ARHGAP6: variants seen among roughly 807,000 people sequenced by gnomAD.
ARHGAP6 encodes Rho GTPase activating protein 6, also known as rho GTPase-activating protein 6.
Under a neutral mutation model 55.7 loss-of-function variants are expected in ARHGAP6, and 16 were observed. The ratio of observed to expected loss-of-function variants is 0.29; its 90% CI spans 0.19 to 0.44. The LOEUF is 0.44. ARHGAP6 is among the 20% of genes least tolerant of loss of function. The pLI, the probability that ARHGAP6 is intolerant of heterozygous loss-of-function variation, is 1.00. For missense variants in ARHGAP6, 698 were observed against 808.9 expected (o/e 0.86, Z 1.66); for synonymous variants, 382 against 360.9 (o/e 1.06, Z -0.66).
chrX:11,142,032 A>C (rs2045627716), intron 12 of ARHGAP6, among the ~76,000 whole-genome samples: 1 of 112,113 alleles, frequency 8.9e-6, no homozygotes, highest in Non-Finnish European at 1.9e-5. Context: ...GTAACTATGA[A>C]AACCTTTGCA....
chrX:11,590,621 C>G (rs1569410583), intron 1 of ARHGAP6, among the ~76,000 whole-genome samples: 1 of 105,493 alleles, frequency 9.5e-6, no homozygotes, highest in Non-Finnish European at 1.9e-5. Flanking sequence ...CCCATTTCTA[C>G]TAAAAACACA....
intron 1 of ARHGAP6, among the ~76,000 whole-genome samples, chrX:11,558,068 C>T (rs2147092124): frequency 8.9e-6 from 1 of 112,169 alleles, no homozygotes. Context: ...TACAAACCCA[C>T]ACGCTCCATG....
At chrX:11,177,326 T>C (rs1456060566) in intron 8 of ARHGAP6, among the ~76,000 whole-genome samples, 1 of 86,624 alleles carries the variant, frequency 1.2e-5, no homozygotes, top group African/African-American at 4.5e-5. Flanking sequence ...AATATATGAG[T>C]GTAACCAAAG....
At chrX:11,640,963 G>T (rs1331449118) in intron 1 of ARHGAP6, among the ~76,000 whole-genome samples, 1 of 111,414 alleles carries the variant, frequency 9.0e-6, no homozygotes, top group Non-Finnish European at 1.9e-5. Flanking sequence ...CTGTATGAAG[G>T]TTAAGGCAGT....
chrX:11,529,191 T>C (rs111600194), intron 1 of ARHGAP6, among the ~76,000 whole-genome samples: 9,394 of 111,294 alleles, frequency 0.084, 449 homozygotes, highest in East Asian at 0.18. Context: ...ACAGGCACTG[T>C]CACCTGGTTT....
intron 8 of ARHGAP6, among the ~76,000 whole-genome samples, chrX:11,174,433 C>T (rs1413483494): frequency 1.8e-5 from 2 of 111,279 alleles, no homozygotes; most frequent in Admixed American, 1.9e-4. Flanking sequence ...TAGAAAATTT[C>T]TGAGCAATAG....
chrX:11,398,691 TTATA>T (rs2049511030), intron 1 of ARHGAP6, among the ~76,000 whole-genome samples: 1 of 111,868 alleles, frequency 8.9e-6, no homozygotes, highest in African/African-American at 3.2e-5. Context: ...AATTATACCT[TTATA>T]TATAGTATAA....
intron 1 of ARHGAP6, among the ~76,000 whole-genome samples, chrX:11,639,778 G>A: frequency 9.1e-6 from 1 of 110,497 alleles, no homozygotes; most frequent in East Asian, 2.9e-4. Context: ...GAGACATGGA[G>A]AAAAAGAGAG....
chrX:11,373,108 C>T (rs2049164467), intron 1 of ARHGAP6, among the ~76,000 whole-genome samples: 1 of 108,157 alleles, frequency 9.2e-6, no homozygotes, highest in South Asian at 4.0e-4. Flanking sequence ...CACACACACA[C>T]ACACACACAC....
intron 3 of ARHGAP6, among the ~76,000 whole-genome samples, chrX:11,190,259 C>T (rs773306364): frequency 9.0e-6 from 1 of 110,856 alleles, no homozygotes; most frequent in Non-Finnish European, 1.9e-5. Context: ...TCGGGATTTT[C>T]AGAGGATGCT....
intron 1 of ARHGAP6, among the ~76,000 whole-genome samples, chrX:11,584,004 G>T (rs1052754842): frequency 9.0e-5 from 10 of 111,696 alleles, no homozygotes; most frequent in African/African-American, 3.2e-4. Flanking sequence ...TTTCTTTAAA[G>T]CCTTAAATAC....
chrX:11,351,097 C>T (rs754525794), intron 1 of ARHGAP6, among the ~76,000 whole-genome samples: 1 of 108,311 alleles, frequency 9.2e-6, no homozygotes, highest in South Asian at 4.1e-4. Context: ...CGCATGCATA[C>T]ACAGTGCACC....
intron 1 of ARHGAP6, among the ~76,000 whole-genome samples, chrX:11,520,593 C>T (rs2050912245): frequency 9.0e-6 from 1 of 110,882 alleles, no homozygotes; most frequent in Non-Finnish European, 1.9e-5. Flanking sequence ...CCAAGTCTTT[C>T]CTATTGAGAA....
intron 1 of ARHGAP6, among the ~76,000 whole-genome samples, chrX:11,578,370 G>A (rs2051626713): frequency 8.9e-6 from 1 of 112,263 alleles, no homozygotes; most frequent in African/African-American, 3.2e-5. Flanking sequence ...TTTGGGCAAA[G>A]GATATGAACA....
chrX:11,655,010 A>C (rs772960014), intron 1 of ARHGAP6, among the ~76,000 whole-genome samples: 1 of 111,736 alleles, frequency 8.9e-6, no homozygotes, highest in Non-Finnish European at 1.9e-5. Flanking sequence ...CATTTTCATT[A>C]CCCTAAGAAG....
intron 1 of ARHGAP6, among the ~76,000 whole-genome samples, chrX:11,659,714 G>A (rs192523437): frequency 9.0e-6 from 1 of 111,563 alleles, no homozygotes; most frequent in African/African-American, 3.3e-5. Context: ...CACACAAGAA[G>A]AGTGGATGAG....
chrX:11,330,209 T>C (rs893488762), intron 1 of ARHGAP6, among the ~76,000 whole-genome samples: 1 of 112,805 alleles, frequency 8.9e-6, no homozygotes, highest in Admixed American at 9.4e-5. Context: ...GAGGAAGACA[T>C]TTGAGTTTTT....
intron 1 of ARHGAP6, among the ~76,000 whole-genome samples, chrX:11,406,751 A>G (rs961501074): frequency 8.9e-6 from 1 of 111,888 alleles, no homozygotes; most frequent in Non-Finnish European, 1.9e-5. Context: ...AACAGTCCTG[A>G]CATATTCTGT....
intron 1 of ARHGAP6, among the ~76,000 whole-genome samples, chrX:11,444,316 TAGA>T (rs1286878048): frequency 3.6e-5 from 4 of 112,628 alleles, no homozygotes; most frequent in African/African-American, 1.3e-4. Flanking sequence ...ACCACTGGTT[TAGA>T]AGATTTGTGT....
Sources: allele counts gnomAD v4.1 joint callset (sites outside exome capture counted in the v4.1 genomes callset), GRCh38; gene constraint gnomAD v4.1.1; transcripts MANE v1.5; gene names NCBI Gene and HGNC (gene_info 2026-07-23, HGNC 2026-07-21).